CCSER1: variants seen among roughly 807,000 people sequenced by gnomAD.
The protein encoded by CCSER1 is coiled-coil serine rich protein 1.
In CCSER1, 41 loss-of-function variants were observed where a neutral mutation model predicts 82.0. The ratio of observed to expected loss-of-function variants is 0.50; its 90% CI spans 0.39 to 0.65. The LOEUF is 0.65. CCSER1 is among the 30% of genes least tolerant of loss of function. CCSER1 has a pLI of 0.00. For missense variants in CCSER1, 1,119 were observed against 1,064.2 expected, an observed-to-expected ratio of 1.05 and a Z score of -0.72; for synonymous variants, 414 against 383.9, an observed-to-expected ratio of 1.08 and a Z score of -0.92.
chr4:90,946,618 G>A (rs1344558479), intron 9 of CCSER1, among the ~76,000 whole-genome samples: 2 of 89,682 alleles, frequency 2.2e-5, no homozygotes, highest in East Asian at 3.3e-4. Context: ...AGGCAAGACT[G>A]CACCTCAAAA....
intron 10 of CCSER1, among the ~76,000 whole-genome samples, chr4:91,311,062 TTAA>T (rs1745439568): frequency 6.6e-6 from 1 of 151,990 alleles, no homozygotes; most frequent in Admixed American, 6.6e-5. Context: ...ATTACTTTCT[TTAA>T]TAATACTACT....
At chr4:91,551,043 GCAGT>G (rs1348045040) in intron 10 of CCSER1, among the ~76,000 whole-genome samples, 1 of 152,012 alleles carries the variant, frequency 6.6e-6, no homozygotes, top group Non-Finnish European at 1.5e-5. Flanking sequence ...AAAAGAAAGA[GCAGT>G]CAAATATAAT....
intron 4 of CCSER1, among the ~76,000 whole-genome samples, chr4:90,423,392 AT>A (rs2153561996): frequency 6.6e-6 from 1 of 151,924 alleles, no homozygotes; most frequent in Admixed American, 6.6e-5. Flanking sequence ...TGCCCGAATA[AT>A]TTTTTGTAGT....
intron 10 of CCSER1, among the ~76,000 whole-genome samples, chr4:91,232,657 A>G (rs2149118175): frequency 6.6e-6 from 1 of 151,932 alleles, no homozygotes; most frequent in Admixed American, 6.6e-5. Context: ...TACAATGTAT[A>G]AATTATATAA....
At chr4:90,245,428 G>A (rs1022470140) in intron 1 of CCSER1, among the ~76,000 whole-genome samples, 1 of 149,796 alleles carries the variant, frequency 6.7e-6, no homozygotes, top group Admixed American at 6.6e-5. Flanking sequence ...GTCATGGTAG[G>A]ATCTTTAGGC....
chr4:90,189,176 AGAAG>A (rs1358495203), intron 1 of CCSER1, among the ~76,000 whole-genome samples: 2 of 151,900 alleles, frequency 1.3e-5, no homozygotes, highest in African/African-American at 2.4e-5. Context: ...TGTTGTCACG[AGAAG>A]GAAGGAAGTA....
intron 1 of CCSER1, among the ~76,000 whole-genome samples, chr4:90,220,431 T>G (rs1741922219): frequency 6.6e-6 from 1 of 152,132 alleles, no homozygotes; most frequent in Non-Finnish European, 1.5e-5. Flanking sequence ...TTTTTTCCCC[T>G]GCACATGAAT....
At chr4:91,311,002 A>T (rs1290971553) in intron 10 of CCSER1, among the ~76,000 whole-genome samples, 1 of 151,960 alleles carries the variant, frequency 6.6e-6, no homozygotes, top group Non-Finnish European at 1.5e-5. Context: ...TTTAAAATAG[A>T]CCTGCTTATG....
intron 5 of CCSER1, among the ~76,000 whole-genome samples, chr4:90,561,140 T>C (rs1778714801): frequency 6.6e-6 from 1 of 152,230 alleles, no homozygotes; most frequent in Non-Finnish European, 1.5e-5. Flanking sequence ...TAATCTGTTA[T>C]GCCTCACCTT....
intron 10 of CCSER1, among the ~76,000 whole-genome samples, chr4:91,490,902 A>ATATG (rs1758491357): frequency 1.3e-5 from 1 of 75,714 alleles, no homozygotes; most frequent in Non-Finnish European, 2.5e-5. Context: ...ATATATATAT[A>ATATG]TATATATATA....
intron 10 of CCSER1, among the ~76,000 whole-genome samples, chr4:91,583,583 G>T (rs905050990): frequency 6.6e-6 from 1 of 151,438 alleles, no homozygotes; most frequent in Non-Finnish European, 1.5e-5. Flanking sequence ...AAAGTTTAAA[G>T]CATCTTGATT....
chr4:90,276,234 C>CTT (rs780095709), intron 1 of CCSER1, among the ~76,000 whole-genome samples: 3 of 109,122 alleles, frequency 2.7e-5, no homozygotes, highest in Non-Finnish European at 5.6e-5. Context: ...TTCTTTCTTT[C>CTT]TTTCTTTCTT....
At chr4:91,587,211 G>A (rs1314337781) in intron 10 of CCSER1, among the ~76,000 whole-genome samples, 1 of 151,690 alleles carries the variant, frequency 6.6e-6, no homozygotes, top group African/African-American at 2.4e-5. Context: ...ATGTTAGAGA[G>A]ATAACTACCA....
chr4:91,135,755 C>T (rs1420576378), intron 10 of CCSER1, among the ~76,000 whole-genome samples: 1 of 152,080 alleles, frequency 6.6e-6, no homozygotes. Context: ...GTTAAACATA[C>T]ATGGCTAAGA....
intron 9 of CCSER1, among the ~76,000 whole-genome samples, chr4:91,031,953 ATGT>A (rs1741020069): frequency 6.6e-6 from 1 of 152,072 alleles, no homozygotes; most frequent in Non-Finnish European, 1.5e-5. Context: ...ATCTTGATTA[ATGT>A]TGCATTCTAA....
intron 10 of CCSER1, among the ~76,000 whole-genome samples, chr4:91,553,521 C>T (rs187750528): frequency 1.3e-5 from 2 of 151,438 alleles, no homozygotes; most frequent in African/African-American, 4.8e-5. Flanking sequence ...AAGTCCTGGG[C>T]TTCTCTTCGT....
intron 9 of CCSER1, among the ~76,000 whole-genome samples, chr4:90,948,129 AT>A (rs1401346283): frequency 1.3e-5 from 2 of 150,796 alleles, no homozygotes; most frequent in Admixed American, 6.6e-5. Flanking sequence ...CCTTGGTACT[AT>A]TTTTTTTTCC....
intron 1 of CCSER1, among the ~76,000 whole-genome samples, chr4:90,283,710 T>C (rs1025614722): frequency 1.3e-5 from 2 of 152,078 alleles, no homozygotes; most frequent in Admixed American, 1.3e-4. Flanking sequence ...GGATCACATT[T>C]TCTCTATCCA....
At chr4:90,513,105 G>C (rs1284299121) in intron 5 of CCSER1, among the ~76,000 whole-genome samples, 1 of 152,240 alleles carries the variant, frequency 6.6e-6, no homozygotes, top group East Asian at 1.9e-4. Flanking sequence ...CAAAACATAA[G>C]ACTCACTTGA....
Sources: allele counts gnomAD v4.1 joint callset (sites outside exome capture counted in the v4.1 genomes callset), GRCh38; gene constraint gnomAD v4.1.1; transcripts MANE v1.5; gene names NCBI Gene and HGNC (gene_info 2026-07-23, HGNC 2026-07-21).